The following KSR2 variants were observed in gnomAD, a reference collection of about 807,000 sequenced individuals.
KSR2 encodes the protein kinase suppressor of ras 2.
A neutral mutation model predicts 107.8 loss-of-function variants in KSR2; 25 were observed. The ratio of observed to expected loss-of-function variants is 0.23; its 90% CI spans 0.17 to 0.32. KSR2 has a LOEUF of 0.32. Ranked by LOEUF, KSR2 falls within the 10% of genes least tolerant of loss-of-function variation. The pLI is 1.00. For synonymous variants in KSR2, 480 were observed against 507.0 expected, an observed-to-expected ratio of 0.95 and a Z score of 0.71; for missense variants, 887 against 1,268.9, an observed-to-expected ratio of 0.70 and a Z score of 4.57.
intron 1 of KSR2, among the ~76,000 whole-genome samples, chr12:117,960,024 C>T (rs1272673866): frequency 6.6e-6 from 1 of 152,094 alleles, no homozygotes; most frequent in South Asian, 2.1e-4. Flanking sequence ...CCTCTTCATC[C>T]TTTCCCTGCC....
At chr12:117,640,217 G>A (rs557631524) in intron 5 of KSR2, among the ~76,000 whole-genome samples, 10 of 150,138 alleles carry the variant, frequency 6.7e-5, no homozygotes, top group Non-Finnish European at 1.0e-4. Context: ...GCAGATGGGG[G>A]GTTCCAATGA....
chr12:117,551,457 T>C (rs1592983844), intron 9 of KSR2, among the ~76,000 whole-genome samples: 1 of 152,218 alleles, frequency 6.6e-6, no homozygotes, highest in African/African-American at 2.4e-5. Context: ...TTATGTCTAT[T>C]TTACATAAAG....
At chr12:117,535,994 G>A (rs993267118) in intron 10 of KSR2, among the ~76,000 whole-genome samples, 1 of 152,118 alleles carries the variant, frequency 6.6e-6, no homozygotes, top group African/African-American at 2.4e-5. Flanking sequence ...CTCAGGGAAA[G>A]GCTGATAACA....
intron 14 of KSR2, among the ~76,000 whole-genome samples, chr12:117,505,289 T>G (rs1873610616): frequency 6.6e-6 from 1 of 152,150 alleles, no homozygotes; most frequent in Non-Finnish European, 1.5e-5. Flanking sequence ...ACACTGAAGG[T>G]GGGTGGGAAT....
At chr12:117,546,806 A>G (rs1181995902) in intron 9 of KSR2, among the ~76,000 whole-genome samples, 2 of 152,172 alleles carry the variant, frequency 1.3e-5, no homozygotes, top group Non-Finnish European at 2.9e-5. Context: ...TGTATGTTCT[A>G]AATTTTCTAA....
chr12:117,668,552 G>A (rs191391268), intron 4 of KSR2, among the ~76,000 whole-genome samples: 17 of 152,272 alleles, frequency 1.1e-4, no homozygotes, highest in South Asian at 2.1e-4. Flanking sequence ...GCAGCTTGCA[G>A]GAATTACACT....
At chr12:117,781,746 C>G (rs955636419) in intron 3 of KSR2, among the ~76,000 whole-genome samples, 2 of 152,148 alleles carry the variant, frequency 1.3e-5, no homozygotes, top group African/African-American at 4.8e-5. Flanking sequence ...AGGAAGCCAA[C>G]ACAAATGAGT....
At chr12:117,786,740 C>T in intron 3 of KSR2, among the ~76,000 whole-genome samples, 1 of 152,120 alleles carries the variant, frequency 6.6e-6, no homozygotes, top group African/African-American at 2.4e-5. Context: ...CACATGCACC[C>T]AGGAAGCGGA....
intron 2 of KSR2, among the ~76,000 whole-genome samples, chr12:117,859,431 C>T (rs1430838299): frequency 5.3e-5 from 8 of 149,894 alleles, no homozygotes; most frequent in Admixed American, 3.3e-4. Flanking sequence ...CCGCGCCTGG[C>T]CTGTTTTTTT....
At chr12:117,841,964 TCA>T (rs1401067618) in intron 3 of KSR2, among the ~76,000 whole-genome samples, 2 of 152,268 alleles carry the variant, frequency 1.3e-5, no homozygotes, top group Non-Finnish European at 1.5e-5. Flanking sequence ...TAGCATTCAC[TCA>T]GTCACTCCGT....
intron 1 of KSR2, among the ~76,000 whole-genome samples, chr12:117,948,246 C>A (rs910197308): frequency 6.6e-6 from 1 of 151,592 alleles, no homozygotes; most frequent in South Asian, 2.1e-4. Flanking sequence ...GTCAGGAGTT[C>A]GAGACCAGCT....
intron 5 of KSR2, among the ~76,000 whole-genome samples, chr12:117,628,759 G>A (rs1309504215): frequency 6.6e-6 from 1 of 152,274 alleles, no homozygotes; most frequent in African/African-American, 2.4e-5. Flanking sequence ...GGACATTTAA[G>A]TCTGCAGGAG....
In KSR2 at chr12:117,470,193, T is replaced by TATCCATCCATCC. The variant is rs60164511; in HGVS notation, c.2713-410_2713-399dup. On this transcript the variant is annotated intron_variant, in intron 18 of 19. Transcript: ENST00000339824. ...CACTCATTCATTCTTCATCTTTCAT[T>TATCCATCCATCC]ATCCATCCATCCATCCATCCATCCA... Among the ~76,000 whole-genome samples, 660 of 138,412 alleles carry TATCCATCCATCC rather than the reference T, an allele frequency of 4.8e-3. 10 individuals carry two copies. The highest frequency in any genetic ancestry group is 0.017 in the African/African-American group (617 of 35,716). 90.8% of individuals were successfully genotyped at this position (138,412 alleles called of 152,430 possible). A position where few individuals can be genotyped will look rare whatever the true frequency, so the allele number is the denominator to read the frequency against.
intron 3 of KSR2, among the ~76,000 whole-genome samples, chr12:117,850,353 G>A (rs1305605295): frequency 2.0e-5 from 3 of 152,196 alleles, no homozygotes; most frequent in Admixed American, 6.5e-5. Context: ...GAAGAGCAGG[G>A]ATTCACCAGA....
chr12:117,651,390 C>T (rs1883900118), intron 5 of KSR2, among the ~76,000 whole-genome samples: 1 of 152,116 alleles, frequency 6.6e-6, no homozygotes, highest in South Asian at 2.1e-4. Context: ...TGAGGAGGTG[C>T]ACTACACTCT....
chr12:117,853,677 G>T, intron 3 of KSR2, among the ~76,000 whole-genome samples: 1 of 151,976 alleles, frequency 6.6e-6, no homozygotes, highest in East Asian at 1.9e-4. Context: ...ACTGCCATCT[G>T]CTTCTCACTG....
intron 4 of KSR2, among the ~76,000 whole-genome samples, chr12:117,719,270 CT>C (rs1281583489): frequency 6.6e-6 from 1 of 152,192 alleles, no homozygotes; most frequent in African/African-American, 2.4e-5. Flanking sequence ...TCTTGGATCA[CT>C]GCAACCTCTA....
chr12:117,557,733 A>G (rs1191380630), intron 8 of KSR2, among the ~76,000 whole-genome samples: 1 of 152,118 alleles, frequency 6.6e-6, no homozygotes, highest in Non-Finnish European at 1.5e-5. Flanking sequence ...AAATGTAGCT[A>G]GTAGCTACTG....
At chr12:117,846,185 T>G (rs1349079311) in intron 3 of KSR2, among the ~76,000 whole-genome samples, 1 of 152,134 alleles carries the variant, frequency 6.6e-6, no homozygotes, top group Non-Finnish European at 1.5e-5. Context: ...TCTACTCCTC[T>G]GGCTGAACCC....
Sources: allele counts gnomAD v4.1 joint callset (sites outside exome capture counted in the v4.1 genomes callset), GRCh38; gene constraint gnomAD v4.1.1; transcripts MANE v1.5; gene names NCBI Gene and HGNC (gene_info 2026-07-23, HGNC 2026-07-21).